Variants in ARMCX1 observed in about 807,000 individuals in gnomAD.
ARMCX1 encodes the protein armadillo repeat-containing X-linked protein 1.
ARMCX1 carries 4 observed loss-of-function variants against 15.4 expected under a neutral mutation model. The ratio of observed to expected loss-of-function variants is 0.26; its 90% confidence interval spans 0.13 to 0.59. ARMCX1 has a LOEUF of 0.59. Ranked by LOEUF, ARMCX1 falls within the 20% of genes least tolerant of loss-of-function variation. The probability of loss-of-function intolerance (pLI) is 0.89; values close to 1 mark genes in which losing one functional copy is unlikely to be tolerated. For missense variants in ARMCX1, 273 were observed against 337.1 expected, an observed-to-expected ratio of 0.81 and a Z score of 1.49; for synonymous variants, 144 against 130.5, an observed-to-expected ratio of 1.10 and a Z score of -0.71.
Position 101,553,293 on chromosome X carries a change from A to G in ARMCX1, c.363A>G (p.Ala121=). Residue 121 remains alanine (A), a synonymous_variant, in exon 4 of 4, where the codon GCA becomes GCG. Transcript: ENST00000372829. ...LFNTLKEQAS[A]KAGKGARVGT... ...ACACGCTGAAGGAACAGGCAAGTGC[A>G]AAGGCAGGCAAAGGGGCTAGGGTGG... 8.3e-7 allele frequency: 1 copy of G among 1,210,897 alleles called. No individual in the cohort carries two copies. The highest frequency in any genetic ancestry group is 1.1e-6 in the Non-Finnish European group (1 of 895,117).
rs993009187 is a variant in ARMCX1, at chrX:101,552,804, C to T, written c.-122-5C>T. On this transcript the variant is annotated splice_polypyrimidine_tract_variant and splice_region_variant and intron_variant, in intron 3 of 3. Coordinates refer to ENST00000372829, the MANE Select transcript of ARMCX1 (RefSeq NM_016608.2). ...TGAAATCTGAAATGCATCCTTTATT[C>T]CTAGGTCGAGCTGCCTCAGAGCCGG... 29 of 743,504 alleles carry T rather than the reference C, an allele frequency of 3.9e-5. No individual in the cohort carries two copies. Among genetic ancestry groups the T allele is most frequent in the Non-Finnish European group, 5.3e-5 (28 of 524,210 alleles). The allele number at this position is 743,504 out of a possible 1,213,427, so 61.3% of individuals were successfully genotyped here.
chrX:101,554,196 A>G lies in ARMCX1; in HGVS notation c.1266A>G (p.Lys422=). 8.3e-7 allele frequency: 1 copy of G among 1,208,758 alleles called. No homozygotes were observed. The highest frequency in any genetic ancestry group is 1.8e-5 in the South Asian group (1 of 55,962). The change falls in exon 4 of 4, where the codon AAA becomes AAG. Residue 422 remains lysine (K), a synonymous_variant. Transcript: ENST00000372829. ...FSRSSLFFLF[K]ESGVCVKKIK... is the part of the protein sequence containing the mutation. ...GAAGTTCACTTTTTTTCTTATTCAA[A>G]GAGTCTGGAGTTTGTGTTAAGAAAA...
At chrX:101,552,772 A>G in intron 3 of ARMCX1, 37 bp from the exon 4 acceptor site, 1 of 520,003 alleles carries the variant, frequency 1.9e-6, no homozygotes, top group East Asian at 3.7e-5. Context: ...AGACACAAAA[A>G]GGAGCCTGAA....
rs188425909 is a variant in ARMCX1, at chrX:101,553,992, T to G, written c.1062T>G (p.Phe354Leu). Reference sequence around the variant, plus strand: ...AGATTATGAAACTAATTATAAACTTTACTGAAAATCCAGCCATGACAAGAG... The same window carrying G: ...AGATTATGAAACTAATTATAAACTTGACTGAAAATCCAGCCATGACAAGAG... ...KIQIMKLIIN[F>L]TENPAMTREL... is the part of the protein sequence containing the mutation. The change falls in exon 4 of 4, where the codon TTT becomes TTG. Residue 354 changes from phenylalanine (F) to leucine (L), a missense_variant. Transcript: ENST00000372829. 8.3e-7 allele frequency: 1 copy of G among 1,209,690 alleles called. No individual in the cohort carries two copies. The highest frequency in any genetic ancestry group is 1.1e-6 in the Non-Finnish European group (1 of 894,964).
Position 101,554,229 on chromosome X carries a change from A to G in ARMCX1, c.1299A>G (p.Ala433=), listed in dbSNP as rs147231157. ...GAGTTTGTGTTAAGAAAATCAAAGC[A>G]CTAGCAAATCACAATGATCTGGTGG... is the stretch of plus-strand genomic sequence containing the variant. ...ESGVCVKKIK[A]LANHNDLVVK... The change falls in exon 4 of 4, where the codon GCA becomes GCG. Residue 433 remains alanine, a synonymous_variant. Transcript: ENST00000372829. 6.3e-4 allele frequency: 754 copies of G among 1,202,103 alleles called. No individual in the cohort carries two copies. The highest frequency in any genetic ancestry group is 7.7e-4 in the Non-Finnish European group (692 of 893,056).
Position 101,553,016 on chromosome X carries a change from G to C in ARMCX1, c.86G>C (p.Trp29Ser), listed in dbSNP as rs782455111. 1.7e-6 allele frequency: 2 copies of C among 1,211,155 alleles called. No individual in the cohort carries two copies. The highest frequency in any genetic ancestry group is 2.2e-6 in the Non-Finnish European group (2 of 895,341). The change falls in exon 4 of 4, where the codon TGG becomes TCG. Residue 29 changes from tryptophan to serine, a missense_variant. This residue lies in a region of ARMCX1 where 147 missense variants were observed against 143.5 expected (regional missense o/e 1.02). Coordinates refer to ENST00000372829, the MANE Select transcript of ARMCX1 (RefSeq NM_016608.2). ...TGCTACTGTGTATACAGACTGGCTT[G>C]GGGAAGAGACGAGAACGAGAAAATC... is the stretch of plus-strand genomic sequence containing the variant. ...GACYCVYRLA[W>S]GRDENEKIWD...
intron 2 of ARMCX1, among the ~76,000 whole-genome samples, 196 bp from the exon 3 acceptor site, chrX:101,551,373 G>A (rs1201890341): frequency 3.6e-5 from 4 of 111,063 alleles, no homozygotes; most frequent in Non-Finnish European, 7.6e-5. Flanking sequence ...GGGCGGGGAC[G>A]GGGGTAGGGG....
At position 101,553,837 on chromosome X, in the gene ARMCX1, G is replaced by C; in HGVS notation, c.907G>C (p.Ala303Pro). Residue 303 changes from alanine to proline, a missense_variant, in exon 4 of 4, where the codon GCT becomes CCT. This residue lies in a region of ARMCX1 where 126 missense variants were observed against 193.6 expected (regional missense o/e 0.65). Coordinates refer to ENST00000372829, the MANE Select transcript of ARMCX1 (RefSeq NM_016608.2). ...DDTMVCRLDS[A>P]VQMAGLRLLT... is the part of the protein sequence containing the mutation. ...CACCATGGTCTGTCGCTTGGACTCA[G>C]CTGTGCAGATGGCTGGGCTAAGACT... The C allele has an allele frequency of 8.3e-7, 1 of 1,211,624 alleles. No individual in the cohort carries two copies. Among genetic ancestry groups the C allele is most frequent in the Non-Finnish European group, 1.1e-6 (1 of 895,217 alleles).
Position 101,553,423 on chromosome X carries a change from G to A in ARMCX1, c.493G>A (p.Ala165Thr), listed in dbSNP as rs199977824. The A allele has an allele frequency of 3.3e-6, 4 of 1,195,148 alleles. No homozygotes were observed. In the East Asian group the frequency reaches 1.2e-4, roughly 36 times the overall value. Residue 165 changes from alanine (A) to threonine (T), a missense_variant, in exon 4 of 4, where the codon GCA becomes ACA. Physicochemically the swap from Ala to Thr is moderately conservative, Grantham distance 58. Coordinates refer to ENST00000372829, the MANE Select transcript of ARMCX1 (RefSeq NM_016608.2). ...GAGTGGATCTAGGGCCGGGGGCAGG[G>A]CAAGTGGAAAATCCAAGGGAAAGGC... ...TRSGSRAGGR[A>T]SGKSKGKARS...
chrX:101,550,795 G>A (rs1407591193), intron 1 of ARMCX1, 135 bp downstream of exon 1: 1 of 111,749 alleles, frequency 8.9e-6, no homozygotes, highest in Non-Finnish European at 1.9e-5. Context: ...AAAAATGGTA[G>A]ACCTTGGGGC....
intron 3 of ARMCX1, 129 bp from the exon 4 acceptor site, chrX:101,552,680 T>C (rs1430752161): frequency 3.7e-5 from 13 of 347,236 alleles, no homozygotes; most frequent in African/African-American, 3.4e-4. Flanking sequence ...GATCTAGATA[T>C]CAAGCCCCGA....
chrX:101,553,163 C>A lies in ARMCX1; in HGVS notation c.233C>A (p.Pro78His). ...AKLQGDSEVKPEVSLGLEDCP... is the reference protein window; with the variant it reads ...AKLQGDSEVKHEVSLGLEDCP... Reference sequence around the variant, plus strand: ...CTTCAGGGTGATTCAGAGGTCAAGCCTGAGGTGAGTTTGGGACTCGAGGAT... The same window carrying A: ...CTTCAGGGTGATTCAGAGGTCAAGCATGAGGTGAGTTTGGGACTCGAGGAT... The change falls in exon 4 of 4, where the codon CCT becomes CAT. Residue 78 changes from proline to histidine, a missense_variant. Physicochemically the swap from Pro to His is moderately conservative, Grantham distance 77. This residue lies in a region of ARMCX1 where 147 missense variants were observed against 143.5 expected (regional missense o/e 1.02). Transcript: ENST00000372829. 8.3e-7 allele frequency: 1 copy of A among 1,211,890 alleles called. No individual in the cohort carries two copies. Among genetic ancestry groups the A allele is most frequent in the Non-Finnish European group, 1.1e-6 (1 of 895,532 alleles).
At chrX:101,552,020 G>A (rs1306963483) in intron 3 of ARMCX1, among the ~76,000 whole-genome samples, 1 of 60,664 alleles carries the variant, frequency 1.6e-5, no homozygotes, top group Non-Finnish European at 3.0e-5. Flanking sequence ...CGGGGTGGGG[G>A]GGGGGGGCGG....
rs1935381010 is a variant in ARMCX1 at position 101,551,635 on chromosome X, T to C, written c.-123+2T>C. On this transcript the variant is annotated splice_donor_variant, in intron 3 of 3. Transcript: ENST00000372829. LOFTEE classifies it low-confidence loss of function (5UTR_SPLICE). ...AAACGCAAAGTTGTCAAGAACCAAG[T>C]AGGTCATAATAAGGGTGATGGCATT... The C allele has an allele frequency of 9.0e-6, 1 of 111,400 alleles. No homozygotes were observed. Among genetic ancestry groups the C allele is most frequent in the Non-Finnish European group, 1.9e-5 (1 of 53,016 alleles). 9.2% of individuals were successfully genotyped at this position (111,400 alleles called of 1,213,427 possible). A position where few individuals can be genotyped will look rare whatever the true frequency, so the allele number is the denominator to read the frequency against.
chrX:101,553,888 C>T lies in ARMCX1; in HGVS notation c.958C>T (p.His320Tyr). ...GTTAACCAACATGACTGTGACTAAT[C>T]ATTACCAACATTTGCTTTCCTATTC... ...RLLTNMTVTN[H>Y]YQHLLSYSFP... The change falls in exon 4 of 4, where the codon CAT becomes TAT. Residue 320 changes from histidine (H) to tyrosine (Y), a missense_variant. Physicochemically the swap from His to Tyr is moderately conservative, Grantham distance 83. This residue lies in a region of ARMCX1 where 126 missense variants were observed against 193.6 expected (regional missense o/e 0.65). Coordinates refer to ENST00000372829, the MANE Select transcript of ARMCX1 (RefSeq NM_016608.2). The T allele has an allele frequency of 8.3e-7, 1 of 1,211,567 alleles. No homozygotes were observed. Among genetic ancestry groups the T allele is most frequent in the Admixed American group, 2.2e-5 (1 of 46,002 alleles).
At chrX:101,552,206 T>C (rs1556027068) in intron 3 of ARMCX1, among the ~76,000 whole-genome samples, 1 of 106,507 alleles carries the variant, frequency 9.4e-6, no homozygotes, top group Non-Finnish European at 1.9e-5. Flanking sequence ...ATGATGGGAG[T>C]AGGGGTGGAG....
Position 101,554,275 on chromosome X carries a change from G to A in ARMCX1, c.1345G>A (p.Val449Ile), listed in dbSNP as rs1424340189. 2.5e-6 allele frequency: 3 copies of A among 1,182,039 alleles called. No homozygotes were observed. The highest frequency in any genetic ancestry group is 3.4e-6 in the Non-Finnish European group (3 of 883,929). ...DLVVKVKVLK[V>I]LTKL ...GGTGGTGAAAGTAAAAGTCCTGAAA[G>A]TATTAACCAAACTCTAATTTGGAGT... Residue 449 changes from valine (V) to isoleucine (I), a missense_variant, in exon 4 of 4, where the codon GTA becomes ATA. This residue lies in a region of ARMCX1 where 126 missense variants were observed against 193.6 expected (regional missense o/e 0.65). Coordinates refer to ENST00000372829, the MANE Select transcript of ARMCX1 (RefSeq NM_016608.2).
Position 101,553,861 on chromosome X carries a change from C to A in ARMCX1, c.931C>A (p.Leu311Met). ...AGCTGTGCAGATGGCTGGGCTAAGACTGTTAACCAACATGACTGTGACTAA... is the reference window on the plus strand; with the variant it reads ...AGCTGTGCAGATGGCTGGGCTAAGAATGTTAACCAACATGACTGTGACTAA... Reference protein sequence around the residue: ...DSAVQMAGLRLLTNMTVTNHY... With the variant: ...DSAVQMAGLRMLTNMTVTNHY... The change falls in exon 4 of 4, where the codon CTG (leucine) becomes ATG (methionine). Residue 311 changes from leucine (L) to methionine (M), a missense_variant. This residue lies in a region of ARMCX1 where 126 missense variants were observed against 193.6 expected (regional missense o/e 0.65). Coordinates refer to ENST00000372829, the MANE Select transcript of ARMCX1 (RefSeq NM_016608.2). The A allele has an allele frequency of 8.3e-7, 1 of 1,211,632 alleles. No individual in the cohort carries two copies. The highest frequency in any genetic ancestry group is 1.1e-6 in the Non-Finnish European group (1 of 895,335).
At position 101,553,182 on chromosome X, in the gene ARMCX1, C is replaced by G; in HGVS notation, c.252C>G (p.Leu84=). The change falls in exon 4 of 4, where the codon CTC becomes CTG. Residue 84 remains leucine, a synonymous_variant. Coordinates refer to ENST00000372829, the MANE Select transcript of ARMCX1 (RefSeq NM_016608.2). ...SEVKPEVSLG[L]EDCPGVKEKA... ...TCAAGCCTGAGGTGAGTTTGGGACT[C>G]GAGGATTGTCCGGGTGTAAAAGAGA... 8.3e-7 allele frequency: 1 copy of G among 1,210,138 alleles called. No individual in the cohort carries two copies. The highest frequency in any genetic ancestry group is 1.1e-6 in the Non-Finnish European group (1 of 895,244).
Sources: gnomAD v4.1 joint callset for allele counts (sites outside exome capture counted in the v4.1 genomes callset) on GRCh38, gnomAD v4.1.1 for gene constraint, gnomAD v4.1.1 regional missense constraint, MANE v1.5 for transcripts, NCBI Gene and HGNC (gene_info 2026-07-23, HGNC 2026-07-21) for gene names.